Variants in ASTN2 observed in about 807,000 individuals in gnomAD.
ASTN2 encodes the protein astrotactin 2.
A neutral mutation model predicts 139.8 loss-of-function variants in ASTN2; 54 were observed. The ratio of observed to expected loss-of-function variants is 0.39; its 90% CI spans 0.31 to 0.48. The LOEUF (loss-of-function observed/expected upper bound fraction) is 0.48. Among genes scored for constraint, ASTN2 ranks in the 20% least tolerant of loss-of-function variants. The pLI is 0.95. For synonymous variants in ASTN2, 756 were observed against 719.5 expected (o/e 1.05, Z -0.81); for missense variants, 1,565 against 1,725.1 (o/e 0.91, Z 1.64).
chr9:117,058,965 G>T (rs1376032538), intron 5 of ASTN2, among the ~76,000 whole-genome samples: 1 of 152,152 alleles, frequency 6.6e-6, no homozygotes, highest in African/African-American at 2.4e-5. Flanking sequence ...AACGTTGAAG[G>T]CCAGTTAATG....
chr9:116,638,483 T>G (rs1857176192), intron 17 of ASTN2, among the ~76,000 whole-genome samples: 1 of 151,852 alleles, frequency 6.6e-6, no homozygotes, highest in South Asian at 2.1e-4. Context: ...CAAGTTTTTC[T>G]AATAGATCAC....
At chr9:117,258,383 G>T (rs116523336) in intron 2 of ASTN2, among the ~76,000 whole-genome samples, 1 of 152,020 alleles carries the variant, frequency 6.6e-6, no homozygotes, top group Non-Finnish European at 1.5e-5. Context: ...GCCTCTCAAC[G>T]CACAACTCAG....
chr9:116,563,564 T>C (rs1412855051), intron 19 of ASTN2, among the ~76,000 whole-genome samples: 1 of 152,090 alleles, frequency 6.6e-6, no homozygotes, highest in East Asian at 1.9e-4. Flanking sequence ...ATGCTCTTTG[T>C]TCAGGTCTCT....
intron 5 of ASTN2, among the ~76,000 whole-genome samples, chr9:117,040,997 G>A (rs1838550028): frequency 6.6e-6 from 1 of 152,268 alleles, no homozygotes; most frequent in East Asian, 1.9e-4. Context: ...CTTATCCATA[G>A]CTAATTAGAT....
intron 16 of ASTN2, among the ~76,000 whole-genome samples, chr9:116,695,977 A>T (rs115808405): frequency 4.9e-4 from 75 of 152,232 alleles, no homozygotes; most frequent in African/African-American, 1.7e-3. Flanking sequence ...TCACCTTTCA[A>T]ATCTTACTGA....
intron 13 of ASTN2, among the ~76,000 whole-genome samples, chr9:116,799,394 A>C (rs1830782194): frequency 6.6e-6 from 1 of 152,190 alleles, no homozygotes; most frequent in Non-Finnish European, 1.5e-5. Context: ...TGATAAGCAG[A>C]CAAGATTGAA....
intron 17 of ASTN2, among the ~76,000 whole-genome samples, chr9:116,642,466 A>G (rs1257051481): frequency 6.6e-6 from 1 of 152,092 alleles, no homozygotes; most frequent in Non-Finnish European, 1.5e-5. Context: ...GTGTCTGGCC[A>G]ATAGGAGCCC....
chr9:117,322,107 T>C (rs182400461), intron 1 of ASTN2, among the ~76,000 whole-genome samples: 2 of 150,930 alleles, frequency 1.3e-5, no homozygotes, highest in Admixed American at 1.3e-4. Context: ...CAAGCCTTTA[T>C]TGCTCCATAA....
At chr9:117,060,324 AAGAAAGAAAGAAAGAAAGAG>A (rs1428312667) in intron 5 of ASTN2, among the ~76,000 whole-genome samples, 8 of 99,304 alleles carry the variant, frequency 8.1e-5, no homozygotes, top group African/African-American at 3.7e-4. Flanking sequence ...AGAAAAAAGA[AAGAAAGAAAGAAAGAAAGAG>A]AGAAAGAAAG....
chr9:116,440,795 G>T lies in ASTN2; in HGVS notation c.3599-3C>A. 6.2e-7 allele frequency: 1 copy of T among 1,611,984 alleles called. No homozygotes were observed. Among genetic ancestry groups the T allele is most frequent in the Non-Finnish European group, 8.5e-7 (1 of 1,178,348 alleles). ...ATTGTAGATCTTGTCAGCTATTTCT[G>T]AGAGGGCAGAAGGGCAGAAACAGAT... On this transcript the variant is annotated splice_polypyrimidine_tract_variant and splice_region_variant and intron_variant, in intron 21 of 22. Coordinates refer to ENST00000313400, the MANE Select transcript of ASTN2 (RefSeq NM_001365068.1).
intron 1 of ASTN2, among the ~76,000 whole-genome samples, chr9:117,344,300 G>T (rs1470097376): frequency 6.6e-6 from 1 of 152,170 alleles, no homozygotes; most frequent in Non-Finnish European, 1.5e-5. Context: ...CCTGCAGGCA[G>T]GTTTGGGAGC....
At chr9:117,099,280 G>A (rs1254720171) in intron 4 of ASTN2, among the ~76,000 whole-genome samples, 1 of 152,132 alleles carries the variant, frequency 6.6e-6, no homozygotes, top group Non-Finnish European at 1.5e-5. Flanking sequence ...ATCCCTGTTA[G>A]GAGGCCACCC....
Position 116,754,492 on chromosome 9 carries a change from T to A in ASTN2, c.2397-20969A>T, listed in dbSNP as rs1829486277. Among the ~76,000 whole-genome samples the A allele has an allele frequency of 2.0e-5, 3 of 152,216 alleles. No individual in the cohort carries two copies. The South Asian group carries it at 6.2e-4, about 31-fold the overall frequency. ...CATCTGCTGTTTCCTGTCTTTTTAA[T>A]GATTGCCATTCTAACTGGTGTGATG... On this transcript the variant is annotated intron_variant, in intron 13 of 22. Coordinates refer to ENST00000313400, the MANE Select transcript of ASTN2 (RefSeq NM_001365068.1).
chr9:117,235,946 T>C (rs1833031978), intron 2 of ASTN2, among the ~76,000 whole-genome samples: 1 of 152,156 alleles, frequency 6.6e-6, no homozygotes, highest in Non-Finnish European at 1.5e-5. Context: ...CTCAGATACA[T>C]TAAATAACAT....
intron 10 of ASTN2, among the ~76,000 whole-genome samples, chr9:116,891,013 G>A (rs1833750390): frequency 6.6e-6 from 1 of 152,174 alleles, no homozygotes; most frequent in African/African-American, 2.4e-5. Flanking sequence ...TCATCTAGAA[G>A]TAATTCCAGG....
At chr9:116,510,203 C>A (rs1414362820) in intron 19 of ASTN2, among the ~76,000 whole-genome samples, 1 of 152,158 alleles carries the variant, frequency 6.6e-6, no homozygotes, top group Non-Finnish European at 1.5e-5. Context: ...AGGAAGGGAT[C>A]CAGTTTCAGC....
intron 3 of ASTN2, among the ~76,000 whole-genome samples, chr9:117,143,805 AAAGAGAGAGAG>A (rs1830129446): frequency 6.7e-6 from 1 of 150,006 alleles, no homozygotes; most frequent in Non-Finnish European, 1.5e-5. Context: ...AGAGAGAGAG[AAAGAGAGAGAG>A]AAAAAAAAAA....
At position 116,820,650 on chromosome 9, in the gene ASTN2, T is replaced by A; in HGVS notation, c.2174A>T (p.Asp725Val). ...CLQQTLPLPY[D>V]ATSSTIFMFC... ...CATGAAGATGGTGCTCGAAGTGGCA[T>A]CGTAGGGCAGGGGCAGCGTCTGCTG... The change falls in exon 12 of 23, where the codon GAT becomes GTT. Residue 725 changes from aspartate to valine, a missense_variant. Physicochemically the swap from Asp to Val is radical, Grantham distance 152. This residue lies in a region of ASTN2 where 503 missense variants were observed against 591.7 expected (regional missense o/e 0.85). Coordinates refer to ENST00000313400, the MANE Select transcript of ASTN2 (RefSeq NM_001365068.1). 1 of 1,614,134 alleles carries A rather than the reference T, an allele frequency of 6.2e-7. No individual in the cohort carries two copies. Among genetic ancestry groups the A allele is most frequent in the Non-Finnish European group, 8.5e-7 (1 of 1,180,004 alleles).
At chr9:116,777,997 C>A (rs1286593787) in intron 13 of ASTN2, among the ~76,000 whole-genome samples, 2 of 152,112 alleles carry the variant, frequency 1.3e-5, no homozygotes, top group Non-Finnish European at 2.9e-5. Flanking sequence ...TGTGTGCCAC[C>A]ACACCCAGCT....
Sources: gnomAD v4.1 joint callset for allele counts (sites outside exome capture counted in the v4.1 genomes callset) on GRCh38, gnomAD v4.1.1 for gene constraint, gnomAD v4.1.1 regional missense constraint, MANE v1.5 for transcripts, NCBI Gene and HGNC (gene_info 2026-07-23, HGNC 2026-07-21) for gene names.